The following BLOC1S5 variants were observed in gnomAD, a reference collection of about 807,000 sequenced individuals.
The protein encoded by BLOC1S5 is biogenesis of lysosome-related organelles complex 1 subunit 5.
BLOC1S5 carries 27 observed loss-of-function variants against 24.3 expected under a neutral mutation model. That is an observed-to-expected ratio of 1.11 (90% CI 0.82 to 1.53). BLOC1S5 has a LOEUF of 1.53. BLOC1S5 is among the 40% of genes most tolerant of loss of function. The pLI, the probability that BLOC1S5 is intolerant of heterozygous loss-of-function variation, is 0.00. For synonymous variants in BLOC1S5, 84 were observed against 74.5 expected (o/e 1.13, Z -0.66); for missense variants, 239 against 229.4 (o/e 1.04, Z -0.27).
chr6:8,042,913 G>A (rs1009275321), intron 2 of BLOC1S5, among the ~76,000 whole-genome samples: 7 of 152,162 alleles, frequency 4.6e-5, no homozygotes, highest in African/African-American at 1.7e-4. Context: ...CACTTTACAT[G>A]TGTTGTCACA....
chr6:8,053,554 G>A (rs1019787549), intron 2 of BLOC1S5, among the ~76,000 whole-genome samples: 2 of 152,144 alleles, frequency 1.3e-5, no homozygotes, highest in Non-Finnish European at 2.9e-5. Flanking sequence ...TAGACATAAT[G>A]CTACTGCAAA....
At chr6:8,046,785 G>A (rs945390680) in intron 2 of BLOC1S5, among the ~76,000 whole-genome samples, 3 of 151,690 alleles carry the variant, frequency 2.0e-5, no homozygotes, top group African/African-American at 7.3e-5. Context: ...CTGTTGTAGA[G>A]ACAGGGTCTT....
chr6:8,038,122 A>G (rs1200054832), intron 3 of BLOC1S5, among the ~76,000 whole-genome samples: 4 of 152,198 alleles, frequency 2.6e-5, no homozygotes, highest in African/African-American at 9.6e-5. Context: ...AGACCTCAAA[A>G]GTAAGGCAAC....
Position 8,015,043 on chromosome 6 carries a change from T to C in BLOC1S5, c.*606A>G, listed in dbSNP as rs1762688274. The C allele has an allele frequency of 6.5e-6, 1 of 152,720 alleles. No homozygotes were observed. The highest frequency in any genetic ancestry group is 2.4e-5 in the African/African-American group (1 of 41,476). 9.5% of individuals were successfully genotyped at this position (152,720 alleles called of 1,614,324 possible). ...TCCACGGAAGCCCATGGCATTATGCTGCACTGTAAAATATGCAACGCTTCC... is the reference window on the plus strand; with the variant it reads ...TCCACGGAAGCCCATGGCATTATGCCGCACTGTAAAATATGCAACGCTTCC... On this transcript the variant is annotated 3_prime_UTR_variant, in exon 5 of 5. Transcript: ENST00000397457.
At chr6:8,058,357 GAAAAAAAAAAAAAAAAAAAAA>G (rs60827828) in intron 2 of BLOC1S5, among the ~76,000 whole-genome samples, 4 of 84,554 alleles carry the variant, frequency 4.7e-5, no homozygotes, top group Admixed American at 1.4e-4. Context: ...CTGTCTCTAT[GAAAAAAAAAAAAAAAAAAAAA>G]AAAAAAAAAA....
chr6:8,062,641 G>A (rs1312093368), intron 1 of BLOC1S5, 25 bp from the exon 2 acceptor site: 1 of 1,484,638 alleles, frequency 6.7e-7, no homozygotes, highest in Non-Finnish European at 9.3e-7. Flanking sequence ...TGAAATTCAG[G>A]GTTAATCCAT....
chr6:8,052,680 CAGG>C (rs1764157717), intron 2 of BLOC1S5, among the ~76,000 whole-genome samples: 1 of 151,756 alleles, frequency 6.6e-6, no homozygotes, highest in African/African-American at 2.4e-5. Context: ...ATCACGAGGT[CAGG>C]AGATCGAGAT....
chr6:8,054,329 T>C (rs9505348), intron 2 of BLOC1S5: 79,764 of 438,908 alleles, frequency 0.18, 7,903 homozygotes, highest in African/African-American at 0.28. Context: ...ACACAGCCAC[T>C]GGATATTACA....
intron 2 of BLOC1S5, among the ~76,000 whole-genome samples, chr6:8,058,357 G>GAAAAAAAAAAAAA (rs60827828): frequency 2.4e-5 from 2 of 84,552 alleles, no homozygotes; most frequent in African/African-American, 7.1e-5. Flanking sequence ...CTGTCTCTAT[G>GAAAAAAAAAAAAA]AAAAAAAAAA....
intron 2 of BLOC1S5, among the ~76,000 whole-genome samples, chr6:8,042,324 G>T (rs1468604749): frequency 6.6e-6 from 1 of 152,104 alleles, no homozygotes; most frequent in East Asian, 1.9e-4. Flanking sequence ...AATAAAAATG[G>T]GTAGTAAAAG....
At chr6:8,019,659 A>G (rs1253953497) in intron 4 of BLOC1S5, among the ~76,000 whole-genome samples, 1 of 152,056 alleles carries the variant, frequency 6.6e-6, no homozygotes, top group African/African-American at 2.4e-5. Flanking sequence ...CAGTCTTTAC[A>G]TACAAATAAA....
rs559638556 is a variant in BLOC1S5 at position 8,031,739 on chromosome 6, C to T, written c.326-5314G>A. Among the ~76,000 whole-genome samples the T allele has an allele frequency of 3.3e-5, 5 of 152,196 alleles. No homozygotes were observed. In the East Asian group the frequency reaches 9.6e-4, roughly 29 times the overall value. Reference sequence around the variant, plus strand: ...AACTACACTACAAGGCTATAGTCACCAAAACAGCATGGAACTGGCATAAAA... The same window carrying T: ...AACTACACTACAAGGCTATAGTCACTAAAACAGCATGGAACTGGCATAAAA... On this transcript the variant is annotated intron_variant, in intron 3 of 4. Transcript: ENST00000397457.
chr6:8,040,429 T>TTAAA (rs1427001010), intron 3 of BLOC1S5, among the ~76,000 whole-genome samples: 1 of 152,214 alleles, frequency 6.6e-6, no homozygotes, highest in Non-Finnish European at 1.5e-5. Flanking sequence ...ACTTAGTCCT[T>TTAAA]TAAATGCCTC....
At chr6:8,044,225 A>G (rs1352011717) in intron 2 of BLOC1S5, among the ~76,000 whole-genome samples, 1 of 142,830 alleles carries the variant, frequency 7.0e-6, no homozygotes, top group Non-Finnish European at 1.5e-5. Context: ...TGGGGGTTAC[A>G]GTGAGCCAAG....
chr6:8,036,586 A>G (rs552518231), intron 3 of BLOC1S5, among the ~76,000 whole-genome samples: 1 of 152,304 alleles, frequency 6.6e-6, no homozygotes, highest in South Asian at 2.1e-4. Flanking sequence ...GAATTCCAGC[A>G]AACATTTAAA....
At chr6:8,039,495 G>A (rs1581414414) in intron 3 of BLOC1S5, among the ~76,000 whole-genome samples, 1 of 152,158 alleles carries the variant, frequency 6.6e-6, no homozygotes, top group East Asian at 1.9e-4. Flanking sequence ...ATGAATATGT[G>A]AATTACACTA....
At chr6:8,022,385 A>G (rs940032602) in intron 4 of BLOC1S5, among the ~76,000 whole-genome samples, 13 of 151,750 alleles carry the variant, frequency 8.6e-5, no homozygotes, top group Admixed American at 3.3e-4. Flanking sequence ...GAAAAACCCA[A>G]CTAAGGTGTA....
chr6:8,040,835 C>G (rs140553638), intron 3 of BLOC1S5, among the ~76,000 whole-genome samples: 5,885 of 149,204 alleles, frequency 0.039, 362 homozygotes, highest in African/African-American at 0.13. Context: ...CAGCCTGGGA[C>G]ACAGAGTGAG....
At chr6:8,027,597 G>T (rs1007246358) in intron 3 of BLOC1S5, among the ~76,000 whole-genome samples, 2 of 152,228 alleles carry the variant, frequency 1.3e-5, no homozygotes, top group Admixed American at 1.3e-4. Flanking sequence ...ACTCTGGGAG[G>T]CCGTGGCGGG....
Sources: gnomAD v4.1 joint callset for allele counts (sites outside exome capture counted in the v4.1 genomes callset) on GRCh38, gnomAD v4.1.1 for gene constraint, MANE v1.5 for transcripts, NCBI Gene and HGNC (gene_info 2026-07-23, HGNC 2026-07-21) for gene names.